The following TBC1D19 variants were observed in gnomAD, a reference collection of about 807,000 sequenced individuals.
TBC1D19 encodes the protein TBC1 domain family, member 19.
TBC1D19 carries 60 observed loss-of-function variants against 89.0 expected under a neutral mutation model. That is an observed-to-expected ratio of 0.67 (90% confidence interval 0.55 to 0.84). The LOEUF (loss-of-function observed/expected upper bound fraction) is 0.84, where lower values mean the gene tolerates loss of function less well. Ranked by LOEUF, TBC1D19 falls within the 40% of genes least tolerant of loss-of-function variation. TBC1D19 has a pLI of 0.00. For synonymous variants in TBC1D19, 189 were observed against 199.7 expected (o/e 0.95, Z 0.45); for missense variants, 500 against 610.8 (o/e 0.82, Z 1.91).
chr4:26,789,890 C>A, the TBC1D19 span, among the ~76,000 whole-genome samples: 4 of 152,256 alleles, frequency 2.6e-5, no homozygotes, highest in East Asian at 3.9e-4. Flanking sequence ...TTTGCAAAAA[C>A]ATGGGTGGAA....
chr4:26,688,626 TA>T (rs1714019589), intron 13 of TBC1D19, among the ~76,000 whole-genome samples: 2 of 150,508 alleles, frequency 1.3e-5, no homozygotes, highest in African/African-American at 5.0e-5. Flanking sequence ...TCATATATGG[TA>T]CATCAAGGAG....
intron 13 of TBC1D19, among the ~76,000 whole-genome samples, chr4:26,689,469 T>C (rs12647180): frequency 0.46 from 69,556 of 151,914 alleles, 17,626 homozygotes; most frequent in Admixed American, 0.6. Context: ...TTGTGCTTTA[T>C]TGTGCTTCAC....
chr4:26,733,083 A>G (rs1384820787), intron 15 of TBC1D19, among the ~76,000 whole-genome samples: 1 of 152,224 alleles, frequency 6.6e-6, no homozygotes, highest in Non-Finnish European at 1.5e-5. Context: ...GTGTGCTAGA[A>G]GACTAGAGAA....
intron 15 of TBC1D19, among the ~76,000 whole-genome samples, chr4:26,725,866 A>C (rs1717279247): frequency 6.6e-6 from 1 of 152,188 alleles, no homozygotes; most frequent in African/African-American, 2.4e-5. Flanking sequence ...GTGCTCAGTA[A>C]ACATTATTGA....
chr4:26,794,169 C>A, the TBC1D19 span, among the ~76,000 whole-genome samples: 1 of 152,056 alleles, frequency 6.6e-6, no homozygotes, highest in East Asian at 1.9e-4. Flanking sequence ...CCTACTAATC[C>A]CAATTTACTT....
chr4:26,644,760 C>T (rs1392514032), intron 7 of TBC1D19, among the ~76,000 whole-genome samples: 1 of 152,178 alleles, frequency 6.6e-6, no homozygotes, highest in Non-Finnish European at 1.5e-5. Context: ...AAATCACAAA[C>T]ATTCTTATAC....
intron 4 of TBC1D19, among the ~76,000 whole-genome samples, chr4:26,629,842 AAT>A (rs1742690865): frequency 6.6e-6 from 1 of 151,894 alleles, no homozygotes; most frequent in Non-Finnish European, 1.5e-5. Flanking sequence ...TTTAATCCAA[AAT>A]ATATATGTTT....
intron 11 of TBC1D19, among the ~76,000 whole-genome samples, chr4:26,677,783 G>A (rs1018366839): frequency 2.0e-5 from 3 of 152,064 alleles, no homozygotes; most frequent in Non-Finnish European, 2.9e-5. Flanking sequence ...TTTTATAAGG[G>A]GTTTCCCCCT....
intron 1 of TBC1D19, among the ~76,000 whole-genome samples, chr4:26,602,312 T>A (rs1276090953): frequency 6.6e-6 from 1 of 152,150 alleles, no homozygotes; most frequent in Non-Finnish European, 1.5e-5. Flanking sequence ...TACTAAGACT[T>A]CTTTGGGGGG....
intron 7 of TBC1D19, among the ~76,000 whole-genome samples, chr4:26,653,487 A>C (rs1008062925): frequency 6.6e-6 from 1 of 152,108 alleles, no homozygotes; most frequent in African/African-American, 2.4e-5. Flanking sequence ...AAAGTCTCCC[A>C]TTATTATTGT....
Position 26,584,282 on chromosome 4 carries a change from G to T in TBC1D19, c.89G>T (p.Arg30Leu), listed in dbSNP as rs1218294846. 1.2e-6 allele frequency: 2 copies of T among 1,609,822 alleles called. No individual in the cohort carries two copies. The highest frequency in any genetic ancestry group is 1.1e-5 in the South Asian group (1 of 89,794). Reference sequence around the variant, plus strand: ...TCCAATTTGTACTCTCAGCTGGAACGGCAGGCCTGGGTAAGTGAGGCCGAG... The same window carrying T: ...TCCAATTTGTACTCTCAGCTGGAACTGCAGGCCTGGGTAAGTGAGGCCGAG... Reference protein sequence around the residue: ...KGSNLYSQLERQAWASLQRPE... With the variant: ...KGSNLYSQLELQAWASLQRPE... The change falls in exon 1 of 21, where the codon CGG becomes CTG. Residue 30 changes from arginine (R) to leucine (L), a missense_variant. Physicochemically the swap from Arg to Leu is moderately radical, Grantham distance 102 (BLOSUM62 -2). Transcript: ENST00000264866.
chr4:26,580,116 A>G (rs1228461688), upstream of TBC1D19, among the ~76,000 whole-genome samples: 1 of 152,168 alleles, frequency 6.6e-6, no homozygotes, highest in Non-Finnish European at 1.5e-5. Flanking sequence ...TGGAGCCAGT[A>G]GCCCAGTCCT....
At chr4:26,620,720 T>G in intron 4 of TBC1D19, 32 bp downstream of exon 4, 1 of 1,593,974 alleles carries the variant, frequency 6.3e-7, no homozygotes, top group African/African-American at 1.3e-5. Flanking sequence ...TTTTATTTTT[T>G]CATGCCAAGT....
the TBC1D19 span, among the ~76,000 whole-genome samples, chr4:26,808,653 C>T: frequency 7.1e-6 from 1 of 141,080 alleles, no homozygotes; most frequent in Non-Finnish European, 1.5e-5. Context: ...AGCTTGAACC[C>T]GGGAGGTGGA....
intron 6 of TBC1D19, 27 bp downstream of exon 6, chr4:26,638,861 A>G: frequency 2.6e-6 from 4 of 1,543,240 alleles, no homozygotes; most frequent in Non-Finnish European, 3.5e-6. Context: ...TTCTGAATGT[A>G]GTAGTGGAAA....
chr4:26,589,904 G>T (rs575660531), intron 1 of TBC1D19, among the ~76,000 whole-genome samples: 1 of 152,130 alleles, frequency 6.6e-6, no homozygotes, highest in Non-Finnish European at 1.5e-5. Context: ...AGCCTATCTC[G>T]TTTTGCACAC....
At chr4:26,616,375 A>T (rs1434711002) in intron 3 of TBC1D19, among the ~76,000 whole-genome samples, 2 of 152,186 alleles carry the variant, frequency 1.3e-5, no homozygotes, top group Non-Finnish European at 2.9e-5. Flanking sequence ...CCTTAGAGAG[A>T]GTCCAAGAAT....
At chr4:26,805,910 G>A in the TBC1D19 span, among the ~76,000 whole-genome samples, 3 of 152,300 alleles carry the variant, frequency 2.0e-5, no homozygotes, top group Admixed American at 1.3e-4. Context: ...GGTTGAGGTT[G>A]CAGTGAGCCG....
chr4:26,854,889 G>A, the TBC1D19 span, among the ~76,000 whole-genome samples: 3 of 152,160 alleles, frequency 2.0e-5, no homozygotes, highest in African/African-American at 7.2e-5. Context: ...TGGCTTCTCT[G>A]GCAGCTGCCT....
Sources: allele counts gnomAD v4.1 joint callset (sites outside exome capture counted in the v4.1 genomes callset), GRCh38; gene constraint gnomAD v4.1.1; transcripts MANE v1.5; gene names NCBI Gene and HGNC (gene_info 2026-07-23, HGNC 2026-07-21).